Variants in TBC1D15 observed in about 807,000 individuals in gnomAD.
The protein encoded by TBC1D15 is TBC1 domain family member 15, also known as GAP for RAB7.
TBC1D15 carries 39 observed loss-of-function variants against 95.4 expected under a neutral mutation model. That is an observed-to-expected ratio of 0.41 (90% CI 0.32 to 0.53). TBC1D15 has a LOEUF of 0.53. Ranked by LOEUF, TBC1D15 falls within the 20% of genes least tolerant of loss-of-function variation. TBC1D15 has a pLI of 0.29. For synonymous variants in TBC1D15, 258 were observed against 261.3 expected (o/e 0.99, Z 0.12); for missense variants, 733 against 794.3 (o/e 0.92, Z 0.93).
At chr12:71,917,211 A>G (rs1411848262) in intron 12 of TBC1D15, among the ~76,000 whole-genome samples, 1 of 152,190 alleles carries the variant, frequency 6.6e-6, no homozygotes, top group Non-Finnish European at 1.5e-5. Flanking sequence ...TATGAAATCC[A>G]GATAATGTTT....
chr12:71,851,159 A>G (rs538299779), intron 1 of TBC1D15, among the ~76,000 whole-genome samples: 1 of 152,236 alleles, frequency 6.6e-6, no homozygotes, highest in East Asian at 1.9e-4. Flanking sequence ...GCAAAGAACA[A>G]GCCAACACGT....
chr12:71,883,681 TG>T (rs1269805984), intron 4 of TBC1D15, among the ~76,000 whole-genome samples: 1 of 152,136 alleles, frequency 6.6e-6, no homozygotes. Context: ...TTTGTGGGAC[TG>T]GTAGTATGGG....
chr12:71,862,307 G>A (rs1329047705), intron 1 of TBC1D15, among the ~76,000 whole-genome samples: 1 of 152,114 alleles, frequency 6.6e-6, no homozygotes, highest in Non-Finnish European at 1.5e-5. Context: ...CTGTATTGGA[G>A]TATAGCTATC....
At chr12:71,857,338 A>G (rs1190650155) in intron 1 of TBC1D15, among the ~76,000 whole-genome samples, 1 of 152,262 alleles carries the variant, frequency 6.6e-6, no homozygotes, top group Non-Finnish European at 1.5e-5. Flanking sequence ...GTTATGTGAG[A>G]TGAAATTATT....
intron 1 of TBC1D15, among the ~76,000 whole-genome samples, chr12:71,863,115 A>G (rs943558164): frequency 6.6e-6 from 1 of 152,176 alleles, no homozygotes; most frequent in Non-Finnish European, 1.5e-5. Flanking sequence ...GTGGTGGTTC[A>G]CGCCTACAAT....
intron 5 of TBC1D15, among the ~76,000 whole-genome samples, chr12:71,886,864 C>T (rs1462203481): frequency 6.6e-6 from 1 of 151,958 alleles, no homozygotes; most frequent in Non-Finnish European, 1.5e-5. Context: ...AGTTTTAGCA[C>T]CATAGTAAGC....
rs560776264 is a variant in TBC1D15, at chr12:71,913,016, ACTTTTT to A, written c.1301-806_1301-801del. On this transcript the variant is annotated intron_variant, in intron 11 of 16. Transcript: ENST00000485960. ...GTTCAGGTGAAAAAGTAAAACTAAC[ACTTTTT>A]CTTATTTTTAAGTGAGGGATCTGAC... 2.1e-4 allele frequency among the ~76,000 whole-genome samples: 32 copies of A among 152,070 alleles called. No homozygotes were observed. In the South Asian group the frequency reaches 4.1e-3, roughly 20 times the overall value.
chr12:71,854,073 C>A (rs1888462886), intron 1 of TBC1D15, among the ~76,000 whole-genome samples: 1 of 152,202 alleles, frequency 6.6e-6, no homozygotes, highest in African/African-American at 2.4e-5. Context: ...CTATTTCCCA[C>A]ATCTCTCTCC....
intron 3 of TBC1D15, among the ~76,000 whole-genome samples, chr12:71,876,685 C>CT (rs977722239): frequency 4.6e-5 from 7 of 150,694 alleles, no homozygotes; most frequent in Non-Finnish European, 1.0e-4. Context: ...AAAAACATTT[C>CT]TTTTTTTTGT....
chr12:71,900,985 C>A (rs1899252418), intron 10 of TBC1D15, among the ~76,000 whole-genome samples: 1 of 152,040 alleles, frequency 6.6e-6, no homozygotes, highest in African/African-American at 2.4e-5. Flanking sequence ...AGAGGAAGAG[C>A]AACTGCTTGA....
At chr12:71,856,199 C>T (rs1007618866) in intron 1 of TBC1D15, among the ~76,000 whole-genome samples, 1 of 152,078 alleles carries the variant, frequency 6.6e-6, no homozygotes, top group African/African-American at 2.4e-5. Flanking sequence ...TAAGTTTTTG[C>T]CATATAATTT....
chr12:71,915,734 A>G (rs1320067290), intron 12 of TBC1D15, among the ~76,000 whole-genome samples: 1 of 152,118 alleles, frequency 6.6e-6, no homozygotes, highest in South Asian at 2.1e-4. Flanking sequence ...CTTTTCCATT[A>G]AGGATGTTCT....
At chr12:71,841,155 G>A (rs1478576916) in intron 1 of TBC1D15, 2 of 152,028 alleles carry the variant, frequency 1.3e-5, no homozygotes, top group Admixed American at 1.3e-4. Flanking sequence ...TATCCTGTTT[G>A]ATTTTCCATC....
rs1364285669 is a variant in TBC1D15, at chr12:71,894,753, A to G, written c.725A>G (p.Asp242Gly). 1 of 1,613,310 alleles carries G rather than the reference A, an allele frequency of 6.2e-7. No homozygotes were observed. The highest frequency in any genetic ancestry group is 1.7e-5 in the Admixed American group (1 of 59,932). Residue 242 changes from aspartate to glycine, a missense_variant, in exon 7 of 17, where the codon GAC (aspartate) becomes GGC (glycine). Physicochemically the swap from Asp to Gly is moderately conservative, Grantham distance 94. Coordinates refer to ENST00000485960, the MANE Select transcript of TBC1D15 (RefSeq NM_001146213.3). ...GFSKVTNYIF[D>G]SLRGSDPSTH... ...TCCAAAGTCACAAACTACATTTTTG[A>G]CAGTTTGAGAGGCAGCGATCCCTCT...
intron 1 of TBC1D15, among the ~76,000 whole-genome samples, chr12:71,847,215 C>T (rs968793372): frequency 6.6e-6 from 1 of 152,124 alleles, no homozygotes; most frequent in African/African-American, 2.4e-5. Flanking sequence ...TGTACCATCA[C>T]TCCATGTGTC....
At chr12:71,921,510 A>C (rs1388330950) in intron 16 of TBC1D15, 56 bp downstream of exon 16, 42 of 1,094,354 alleles carry the variant, frequency 3.8e-5, no homozygotes, top group Non-Finnish European at 4.9e-5. Flanking sequence ...GGTTGAGATC[A>C]AGAAAGATTT....
chr12:71,895,808 A>C (rs941624924), intron 7 of TBC1D15, 139 bp from the exon 8 acceptor site: 7 of 795,478 alleles, frequency 8.8e-6, no homozygotes, highest in East Asian at 2.8e-5. Flanking sequence ...AGTTAAACTA[A>C]ACATGGGAAA....
chr12:71,913,042 T>C (rs1165511341), intron 11 of TBC1D15, among the ~76,000 whole-genome samples: 3 of 152,072 alleles, frequency 2.0e-5, no homozygotes, highest in African/African-American at 4.8e-5. Context: ...AAGTGAGGGA[T>C]CTGACTCCTT....
chr12:71,917,228 T>C (rs1903928993), intron 12 of TBC1D15, among the ~76,000 whole-genome samples: 1 of 152,210 alleles, frequency 6.6e-6, no homozygotes, highest in African/African-American at 2.4e-5. Context: ...GTTTTAGTAT[T>C]GTCCTGAAAA....
Sources: allele counts gnomAD v4.1 joint callset (sites outside exome capture counted in the v4.1 genomes callset), GRCh38; gene constraint gnomAD v4.1.1; transcripts MANE v1.5; gene names NCBI Gene and HGNC (gene_info 2026-07-23, HGNC 2026-07-21).